The following ZNF479 variants were observed in gnomAD, a reference collection of about 807,000 sequenced individuals.
ZNF479 encodes the protein KRAB zinc finger protein KR19.
Under a neutral mutation model 14.7 loss-of-function variants are expected in ZNF479, and 15 were observed. The ratio of observed to expected loss-of-function variants is 1.02; its 90% CI spans 0.68 to 1.57. ZNF479 has a LOEUF of 1.57. Among genes scored for constraint, ZNF479 ranks in the 40% most tolerant of loss-of-function variants. The pLI is 0.00. For missense variants in ZNF479, 506 were observed against 615.1 expected (o/e 0.82, Z 1.88); for synonymous variants, 145 against 211.5 (o/e 0.69, Z 2.73).
chr7:57,120,318 G>T lies in ZNF479; in HGVS notation c.1097C>A (p.Ser366Ter), dbSNP rs1435808529. Residue 366 changes from serine (S) to a stop codon, truncating the protein, a stop_gained, in exon 4 of 4, where the codon TCG (serine) becomes TAG (stop). Coordinates refer to ENST00000319636, the MANE Select transcript of ZNF479 (RefSeq NM_001370129.2). LOFTEE classifies it low-confidence loss of function (END_TRUNC). The stretch of plus-strand genomic sequence containing the variant: ...AATTCTCCTATGTCTCATAAGGTTC[G>T]AGGATAAGCTAAAGGCTTGGCCACA... ...EECGQAFSLS[S>*]NLMRHRRIHT... The T allele has an allele frequency of 6.2e-7, 1 of 1,609,890 alleles. No individual in the cohort carries two copies. Among genetic ancestry groups the T allele is most frequent in the Admixed American group, 1.7e-5 (1 of 59,784 alleles).
upstream of ZNF479, among the ~76,000 whole-genome samples, chr7:57,132,832 A>C (rs1367056692): frequency 1.3e-5 from 2 of 152,082 alleles, no homozygotes; most frequent in Non-Finnish European, 2.9e-5. Context: ...CTCCACCCAA[A>C]TCTAATCTCA....
chr7:57,136,212 C>T (rs1328913761), upstream of ZNF479, among the ~76,000 whole-genome samples: 2 of 152,082 alleles, frequency 1.3e-5, no homozygotes, highest in East Asian at 1.9e-4. Context: ...GGCGAAACCT[C>T]ATCTCTACAA....
chr7:57,127,321 C>A (rs1016994294), intron 1 of ZNF479, among the ~76,000 whole-genome samples: 2 of 152,080 alleles, frequency 1.3e-5, no homozygotes, highest in African/African-American at 4.8e-5. Flanking sequence ...CTGCGCCTGG[C>A]CGGACATGTC....
Position 57,125,671 on chromosome 7 carries a change from A to G in ZNF479, c.262+347T>C, listed in dbSNP as rs114971070. 2.1e-3 allele frequency among the ~76,000 whole-genome samples: 313 copies of G among 151,708 alleles called. 2 individuals carry two copies. The highest frequency in any genetic ancestry group is 2.2e-3 in the Non-Finnish European group (150 of 67,838). On this transcript the variant is annotated intron_variant, in intron 3 of 3. Coordinates refer to ENST00000319636, the MANE Select transcript of ZNF479 (RefSeq NM_001370129.2). ...ACATTTTAGACATGATGCAAAAAAAAATTTTAATGGTTTAGAGTTTTTCAA... is the reference window on the plus strand; with the variant it reads ...ACATTTTAGACATGATGCAAAAAAAGATTTTAATGGTTTAGAGTTTTTCAA...
upstream of ZNF479, among the ~76,000 whole-genome samples, chr7:57,135,973 A>ATC (rs57853604): frequency 0.058 from 7,221 of 124,934 alleles, 233 homozygotes; most frequent in African/African-American, 0.092. Flanking sequence ...CTCTCTCTCA[A>ATC]TCTCTCTCTC....
rs1395073572 is a variant in ZNF479, at chr7:57,117,798, C to T, written c.*2042G>A. On this transcript the variant is annotated 3_prime_UTR_variant, in exon 4 of 4. Transcript: ENST00000319636. ...TTTCACAAACAATGGGAAGAGTCAA[C>T]ATGACGGAATCTGAGACTTGAGTTA... Among the ~76,000 whole-genome samples, 6 of 152,278 alleles carry T rather than the reference C, an allele frequency of 3.9e-5. No homozygotes were observed. The highest frequency in any genetic ancestry group is 1.4e-4 in the African/African-American group (6 of 41,482).
chr7:57,130,522 A>G (rs1297437540), intron 1 of ZNF479, among the ~76,000 whole-genome samples: 1 of 152,200 alleles, frequency 6.6e-6, no homozygotes, highest in Non-Finnish European at 1.5e-5. Flanking sequence ...TGTAAACATA[A>G]TAAGATAGAT....
At chr7:57,137,870 G>A (rs1038814271) in intron 1 of ZNF479, among the ~76,000 whole-genome samples, 15 of 152,270 alleles carry the variant, frequency 9.9e-5, no homozygotes, top group African/African-American at 2.4e-4. Flanking sequence ...GGGTTACTGC[G>A]AGATATCTTT....
chr7:57,120,108 G>A lies in ZNF479; in HGVS notation c.1307C>T (p.Pro436Leu). ...DHKRIHTGER[P>L]YKCEECGKAF... ...TTTGCCACATTCTTCACATTTGTAG[G>A]GTCTCTCTCCAGTATGAATTCTCTT... The change falls in exon 4 of 4, where the codon CCC becomes CTC. Residue 436 changes from proline (P) to leucine (L), a missense_variant. Transcript: ENST00000319636. 2 of 1,613,434 alleles carry A rather than the reference G, an allele frequency of 1.2e-6. No homozygotes were observed. Among genetic ancestry groups the A allele is most frequent in the Non-Finnish European group, 1.7e-6 (2 of 1,179,798 alleles).
chr7:57,119,997 G>A lies in ZNF479; in HGVS notation c.1418C>T (p.Ala473Val). 1.2e-6 allele frequency: 2 copies of A among 1,613,282 alleles called. No homozygotes were observed. The highest frequency in any genetic ancestry group is 1.3e-5 in the African/African-American group (1 of 74,944). The change falls in exon 4 of 4, where the codon GCC (alanine) becomes GTC (valine). Residue 473 changes from alanine (A) to valine (V), a missense_variant. Physicochemically the swap from Ala to Val is moderately conservative, Grantham distance 64. Coordinates refer to ENST00000319636, the MANE Select transcript of ZNF479 (RefSeq NM_001370129.2). ...RPYTCEECGK[A>V]FNCSSTLMQH... ...CATAAGGGTTGAGGAGCAATTAAAG[G>A]CTTTGCCACATTCTTCACATGTGTA...
At chr7:57,122,030 A>C (rs1182418164) in intron 3 of ZNF479, among the ~76,000 whole-genome samples, 5 of 152,122 alleles carry the variant, frequency 3.3e-5, no homozygotes, top group Non-Finnish European at 7.4e-5. Flanking sequence ...GTAAGAAAAA[A>C]GTATGTAAAA....
At chr7:57,135,372 T>A (rs1489903860), upstream of ZNF479, among the ~76,000 whole-genome samples, 2 of 152,158 alleles carry the variant, frequency 1.3e-5, no homozygotes, top group Non-Finnish European at 2.9e-5. Flanking sequence ...GATTGGGCAT[T>A]ATGGAATGTT....
chr7:57,133,773 G>A (rs926764392), upstream of ZNF479, among the ~76,000 whole-genome samples: 1 of 152,054 alleles, frequency 6.6e-6, no homozygotes, highest in Non-Finnish European at 1.5e-5. Flanking sequence ...GGCTGAGACA[G>A]GAGAATTGCT....
At chr7:57,139,056 A>T (rs982851483) in intron 1 of ZNF479, among the ~76,000 whole-genome samples, 8 of 152,248 alleles carry the variant, frequency 5.3e-5, no homozygotes, top group Non-Finnish European at 1.2e-4. Context: ...GGGCAAGCAC[A>T]AATGTCTCAA....
intron 3 of ZNF479, among the ~76,000 whole-genome samples, chr7:57,122,761 C>CGATTACTA (rs1275043937): frequency 6.6e-6 from 1 of 151,924 alleles, no homozygotes; most frequent in Middle Eastern, 3.4e-3. Flanking sequence ...GCAAATGAGT[C>CGATTACTA]GATTACTAGA....
In ZNF479 at chr7:57,119,880, T is replaced by C. The variant is rs1412397867; in HGVS notation, c.1535A>G (p.Lys512Arg). ...GGGTTTCTCTCCAGTGTGAATTATC[T>C]TATGTTTAGCAAGACTTGAATGCCA... ...FKWHSSLAKH[K>R]IIHTGEKPYK... Residue 512 changes from lysine to arginine, a missense_variant, in exon 4 of 4, where the codon AAG becomes AGG. This residue lies in a region of ZNF479 where 72 missense variants were observed against 97.6 expected (regional missense o/e 0.74). Coordinates refer to ENST00000319636, the MANE Select transcript of ZNF479 (RefSeq NM_001370129.2). 5 of 1,613,392 alleles carry C rather than the reference T, an allele frequency of 3.1e-6. No individual in the cohort carries two copies. In the African/African-American group the frequency reaches 6.7e-5, roughly 22 times the overall value.
chr7:57,121,893 T>C (rs1158312815), intron 3 of ZNF479, among the ~76,000 whole-genome samples: 4 of 151,922 alleles, frequency 2.6e-5, no homozygotes, highest in Non-Finnish European at 4.4e-5. Context: ...ATCCATATTA[T>C]GCTCAATGAG....
intron 3 of ZNF479, among the ~76,000 whole-genome samples, chr7:57,125,621 A>C (rs1451208443): frequency 6.6e-6 from 1 of 151,862 alleles, no homozygotes; most frequent in Non-Finnish European, 1.5e-5. Context: ...ATGACCACCA[A>C]TGAAAGAGAA....
chr7:57,129,008 G>A (rs898236230), intron 1 of ZNF479, among the ~76,000 whole-genome samples: 7 of 152,104 alleles, frequency 4.6e-5, no homozygotes, highest in African/African-American at 1.7e-4. Context: ...CAGAAAGACC[G>A]AGACTTGCAG....
Sources: allele counts gnomAD v4.1 joint callset (sites outside exome capture counted in the v4.1 genomes callset), GRCh38; gene constraint gnomAD v4.1.1; regional missense constraint gnomAD v4.1.1; transcripts MANE v1.5; gene names NCBI Gene and HGNC (gene_info 2026-07-23, HGNC 2026-07-21).